STARD13: variants seen among roughly 807,000 people sequenced by gnomAD.
STARD13 encodes the protein stAR-related lipid transfer protein 13.
Under a neutral mutation model 106.4 loss-of-function variants are expected in STARD13, and 62 were observed. That is an observed-to-expected ratio of 0.58 (90% confidence interval 0.48 to 0.72). STARD13 has a LOEUF of 0.72. Ranked by LOEUF, STARD13 falls within the 30% of genes least tolerant of loss-of-function variation. STARD13 has a pLI of 0.00. For synonymous variants in STARD13, 565 were observed against 553.0 expected (o/e 1.02, Z -0.31); for missense variants, 1,387 against 1,424.0 (o/e 0.97, Z 0.42).
chr13:33,501,991 C>T, the STARD13 span, among the ~76,000 whole-genome samples: 9 of 152,068 alleles, frequency 5.9e-5, no homozygotes, highest in Admixed American at 2.0e-4. Context: ...ACCATTTTCA[C>T]GATATTGATT....
chr13:33,301,559 TTTTTTTTTC>T (rs796186265), intron 1 of STARD13, among the ~76,000 whole-genome samples: 1,128 of 16,656 alleles, frequency 0.068, 13 homozygotes, highest in Non-Finnish European at 0.15. Flanking sequence ...TTTCTTTTTC[TTTTTTTTTC>T]TTTTTTTTTT....
chr13:33,634,044 G>C, the STARD13 span, among the ~76,000 whole-genome samples: 1 of 152,184 alleles, frequency 6.6e-6, no homozygotes, highest in Non-Finnish European at 1.5e-5. Flanking sequence ...TACATTTGAT[G>C]ATTCAATGAT....
At chr13:33,665,799 A>G in the STARD13 span, among the ~76,000 whole-genome samples, 1 of 151,920 alleles carries the variant, frequency 6.6e-6, no homozygotes, top group South Asian at 2.1e-4. Context: ...GGGAAACATT[A>G]AGCTAGAAAT....
the STARD13 span, among the ~76,000 whole-genome samples, chr13:33,581,477 A>G: frequency 6.6e-6 from 1 of 152,206 alleles, no homozygotes; most frequent in Non-Finnish European, 1.5e-5. Flanking sequence ...CTTGTGCAGC[A>G]ACATTCATTT....
At chr13:33,555,235 T>A in the STARD13 span, among the ~76,000 whole-genome samples, 1 of 152,230 alleles carries the variant, frequency 6.6e-6, no homozygotes, top group East Asian at 1.9e-4. Flanking sequence ...ACCTTAAGCC[T>A]GGATTTTTCT....
intron 1 of STARD13, among the ~76,000 whole-genome samples, chr13:33,245,427 C>G (rs1299500049): frequency 6.6e-6 from 1 of 152,188 alleles, no homozygotes; most frequent in Non-Finnish European, 1.5e-5. Flanking sequence ...AAGAGAACAA[C>G]TTCTAGCTGT....
Position 33,105,691 on chromosome 13 carries a change from A to G in STARD13, c.3244T>C (p.Tyr1082His). The G allele has an allele frequency of 5.0e-6, 8 of 1,614,152 alleles. No individual in the cohort carries two copies. Among genetic ancestry groups the G allele is most frequent in the Non-Finnish European group, 6.8e-6 (8 of 1,179,960 alleles). Reference sequence around the variant, plus strand: ...CACAGATGTCCAAAGCCTTTGCTGTACCATTCTGGGGAGTGACCTCTGTGG... The same window carrying G: ...CACAGATGTCCAAAGCCTTTGCTGTGCCATTCTGGGGAGTGACCTCTGTGG... ...IDLKGHSPEW[Y>H]SKGFGHLCAA... Residue 1082 changes from tyrosine (Y) to histidine (H), a missense_variant, in exon 14 of 14, where the codon TAC becomes CAC. Transcript: ENST00000336934.
chr13:33,604,114 G>T, the STARD13 span, among the ~76,000 whole-genome samples: 2 of 152,120 alleles, frequency 1.3e-5, no homozygotes, highest in Non-Finnish European at 2.9e-5. Flanking sequence ...AACAAAGTCA[G>T]AACTGAAGCA....
the STARD13 span, among the ~76,000 whole-genome samples, chr13:33,492,498 A>T: frequency 2.0e-5 from 3 of 152,286 alleles, no homozygotes; most frequent in Admixed American, 1.3e-4. Flanking sequence ...TAGGTCATAA[A>T]GACTTTGCTG....
At chr13:33,620,579 G>C in the STARD13 span, among the ~76,000 whole-genome samples, 1 of 151,802 alleles carries the variant, frequency 6.6e-6, no homozygotes, top group Non-Finnish European at 1.5e-5. Flanking sequence ...CACCATGCCC[G>C]GCCAGAATAT....
the STARD13 span, among the ~76,000 whole-genome samples, chr13:33,522,281 C>T: frequency 2.0e-5 from 3 of 151,996 alleles, no homozygotes; most frequent in African/African-American, 7.2e-5. Flanking sequence ...TCCCATATGG[C>T]ACCTGCTCCA....
chr13:33,225,746 C>G (rs1165624511), intron 1 of STARD13, among the ~76,000 whole-genome samples: 3 of 150,692 alleles, frequency 2.0e-5, no homozygotes, highest in Non-Finnish European at 2.9e-5. Context: ...TAAATCTTTT[C>G]CTTAATTAAA....
intron 5 of STARD13, 51 bp downstream of exon 5, chr13:33,128,878 C>G (rs1433442933): frequency 6.5e-7 from 1 of 1,537,232 alleles, no homozygotes; most frequent in East Asian, 2.3e-5. Context: ...AAACAGAACA[C>G]AATTACTATG....
chr13:33,410,385 G>A, the STARD13 span, among the ~76,000 whole-genome samples: 1 of 152,228 alleles, frequency 6.6e-6, no homozygotes, highest in Non-Finnish European at 1.5e-5. Context: ...AGTATGGAAT[G>A]GGGACATCTT....
intron 13 of STARD13, among the ~76,000 whole-genome samples, chr13:33,106,137 T>TTATATTAGTA (rs1297828805): frequency 1.3e-5 from 2 of 152,146 alleles, no homozygotes; most frequent in African/African-American, 2.4e-5. Flanking sequence ...AAGAAATACA[T>TTATATTAGTA]GGTCGAGCAC....
chr13:33,113,293 G>A (rs1268586057), intron 8 of STARD13: 1 of 373,160 alleles, frequency 2.7e-6, no homozygotes, highest in East Asian at 6.8e-5. Flanking sequence ...CTGTCAACCT[G>A]GCATCCCTCT....
the STARD13 span, among the ~76,000 whole-genome samples, chr13:33,456,075 G>T: frequency 6.6e-6 from 1 of 152,204 alleles, no homozygotes; most frequent in East Asian, 1.9e-4. Flanking sequence ...ACACAGCCAT[G>T]AGCATTTGTT....
chr13:33,169,008 C>A (rs993172008), intron 1 of STARD13, among the ~76,000 whole-genome samples: 9 of 152,220 alleles, frequency 5.9e-5, no homozygotes, highest in African/African-American at 2.2e-4. Flanking sequence ...CCCTAATCTA[C>A]TGTTACTCCA....
At chr13:33,657,902 CT>C in the STARD13 span, among the ~76,000 whole-genome samples, 1 of 152,144 alleles carries the variant, frequency 6.6e-6, no homozygotes, top group Non-Finnish European at 1.5e-5. Context: ...TATTTTTTGA[CT>C]GTGGCAAAAT....
Sources: allele counts gnomAD v4.1 joint callset (sites outside exome capture counted in the v4.1 genomes callset), GRCh38; gene constraint gnomAD v4.1.1; transcripts MANE v1.5; gene names NCBI Gene and HGNC (gene_info 2026-07-23, HGNC 2026-07-21).